PTPRD: variants seen among roughly 807,000 people sequenced by gnomAD.
PTPRD encodes receptor-type tyrosine-protein phosphatase delta.
A neutral mutation model predicts 214.5 loss-of-function variants in PTPRD; 34 were observed. The observed-to-expected ratio is 0.16, with a 90% CI of 0.12 to 0.21. PTPRD has a LOEUF of 0.21. Among genes scored for constraint, PTPRD ranks in the 10% least tolerant of loss-of-function variants. The probability of loss-of-function intolerance (pLI) is 1.00; values close to 1 mark genes in which losing one functional copy is unlikely to be tolerated. For synonymous variants in PTPRD, 1,128 were observed against 845.7 expected, an observed-to-expected ratio of 1.33 and a Z score of -5.79; for missense variants, 2,545 against 2,398.7, an observed-to-expected ratio of 1.06 and a Z score of -1.27.
chr9:9,411,801 C>CA (rs149579810), intron 8 of PTPRD, among the ~76,000 whole-genome samples: 2,806 of 152,186 alleles, frequency 0.018, 79 homozygotes, highest in African/African-American at 0.063. Context: ...TATGCACACA[C>CA]AAAAAAGATC....
chr9:8,728,123 G>A (rs929161571), intron 12 of PTPRD, among the ~76,000 whole-genome samples: 2 of 152,082 alleles, frequency 1.3e-5, no homozygotes, highest in African/African-American at 4.8e-5. Context: ...GGTGGCACAC[G>A]CCTGTAATCC....
intron 11 of PTPRD, among the ~76,000 whole-genome samples, chr9:8,771,819 TAAA>T (rs557495942): frequency 7.0e-6 from 1 of 143,050 alleles, no homozygotes; most frequent in Non-Finnish European, 1.5e-5. Context: ...TGCATGGCTT[TAAA>T]AAAAAAAAAA....
At chr9:10,063,604 G>GA (rs2097820196) in intron 3 of PTPRD, among the ~76,000 whole-genome samples, 1 of 151,912 alleles carries the variant, frequency 6.6e-6, no homozygotes, top group South Asian at 2.1e-4. Context: ...TGTAATAAAA[G>GA]AATCATCAGT....
At chr9:9,475,843 C>T (rs1198482720) in intron 8 of PTPRD, among the ~76,000 whole-genome samples, 1 of 152,174 alleles carries the variant, frequency 6.6e-6, no homozygotes, top group Non-Finnish European at 1.5e-5. Context: ...TCTTCTGATG[C>T]AGATGGACTA....
chr9:10,523,620 T>TAGAGAGAGAGAGAG (rs749067548), intron 2 of PTPRD, among the ~76,000 whole-genome samples: 1 of 128,614 alleles, frequency 7.8e-6, no homozygotes, highest in Non-Finnish European at 1.6e-5. Flanking sequence ...TATATATATA[T>TAGAGAGAGAGAGAG]ATAGACAGAA....
At position 10,274,904 on chromosome 9, in the gene PTPRD, T is replaced by C. The variant is rs374505748; in HGVS notation, c.-545+66059A>G. Reference sequence around the variant, plus strand: ...GGAATAATGACGGTGGAATAGATGGTATGGGTGTATTGTAGTGACTAGGGA... The same window carrying C: ...GGAATAATGACGGTGGAATAGATGGCATGGGTGTATTGTAGTGACTAGGGA... On this transcript the variant is annotated intron_variant, in intron 3 of 45. Transcript: ENST00000381196. 2.6e-5 allele frequency among the ~76,000 whole-genome samples: 4 copies of C among 152,162 alleles called. No individual in the cohort carries two copies. In the South Asian group the frequency reaches 6.2e-4, roughly 24 times the overall value.
intron 8 of PTPRD, among the ~76,000 whole-genome samples, chr9:9,452,983 C>T (rs998483031): frequency 6.7e-6 from 1 of 149,710 alleles, no homozygotes; most frequent in African/African-American, 2.4e-5. Flanking sequence ...TTTCTGTATA[C>T]TTAAATTTTG....
chr9:9,598,567 TA>T (rs2093533660), intron 7 of PTPRD, among the ~76,000 whole-genome samples: 2 of 152,082 alleles, frequency 1.3e-5, no homozygotes, highest in South Asian at 4.1e-4. Flanking sequence ...GCAACTACTA[TA>T]GACCTACTAT....
At chr9:9,170,587 G>A (rs12342064) in intron 10 of PTPRD, among the ~76,000 whole-genome samples, 2,034 of 152,242 alleles carry the variant, frequency 0.013, 51 homozygotes, top group African/African-American at 0.046. Flanking sequence ...GCTGGCCCAG[G>A]CAGTTTGGCT....
chr9:8,348,991 T>C (rs1249206657), intron 39 of PTPRD, among the ~76,000 whole-genome samples: 4 of 152,094 alleles, frequency 2.6e-5, no homozygotes, highest in Non-Finnish European at 5.9e-5. Context: ...TCTCTACTGT[T>C]TGGCAATTTC....
chr9:9,919,031 A>G (rs1324784274), intron 5 of PTPRD, among the ~76,000 whole-genome samples: 3 of 152,186 alleles, frequency 2.0e-5, no homozygotes, highest in Non-Finnish European at 1.5e-5. Flanking sequence ...AGGAGATAGA[A>G]TAACATCTGG....
chr9:9,193,487 C>T (rs1274627403), intron 9 of PTPRD, among the ~76,000 whole-genome samples: 1 of 152,054 alleles, frequency 6.6e-6, no homozygotes. Context: ...GTATGCACAC[C>T]ACAGAGTGTA....
chr9:9,306,196 G>A (rs1469901771), intron 9 of PTPRD, among the ~76,000 whole-genome samples: 1 of 152,056 alleles, frequency 6.6e-6, no homozygotes, highest in South Asian at 2.1e-4. Context: ...CTATCTGGCA[G>A]AAACTCTTGA....
chr9:9,851,566 A>C (rs949709156), intron 5 of PTPRD, among the ~76,000 whole-genome samples: 1 of 152,232 alleles, frequency 6.6e-6, no homozygotes. Context: ...GTGTAAATAT[A>C]AAGTTAGTGC....
rs1039406647 is a variant in PTPRD at position 10,405,089 on chromosome 9, T to C, written c.-599-64072A>G. 2.5e-3 allele frequency among the ~76,000 whole-genome samples: 16 copies of C among 6,476 alleles called. 7 individuals carry two copies. The highest frequency in any genetic ancestry group is 0.01 in the Non-Finnish European group (15 of 1,456). 4.2% of individuals were successfully genotyped at this position (6,476 alleles called of 152,430 possible). A position where few individuals can be genotyped will look rare whatever the true frequency, so the allele number is the denominator to read the frequency against. Reference sequence around the variant, plus strand: ...GAGCAATCTCATCACATGCTTGGATTAACCAACAATTAACTGGCTATCGGC... The same window carrying C: ...GAGCAATCTCATCACATGCTTGGATCAACCAACAATTAACTGGCTATCGGC... On this transcript the variant is annotated intron_variant, in intron 2 of 45. Coordinates refer to ENST00000381196, the MANE Select transcript of PTPRD (RefSeq NM_002839.4).
intron 12 of PTPRD, among the ~76,000 whole-genome samples, chr9:8,654,687 G>C (rs2096875974): frequency 6.6e-6 from 1 of 151,998 alleles, no homozygotes; most frequent in South Asian, 2.1e-4. Context: ...TAAGCATTAA[G>C]GGTTATAATA....
chr9:9,085,953 C>G (rs2099766472), intron 10 of PTPRD, among the ~76,000 whole-genome samples: 1 of 152,110 alleles, frequency 6.6e-6, no homozygotes, highest in Non-Finnish European at 1.5e-5. Flanking sequence ...TGTGGTTTTG[C>G]TTTCTCCACC....
intron 11 of PTPRD, among the ~76,000 whole-genome samples, chr9:8,810,073 A>G (rs1455239564): frequency 6.6e-6 from 1 of 152,198 alleles, no homozygotes; most frequent in Non-Finnish European, 1.5e-5. Flanking sequence ...CATATGCCCC[A>G]CTGCCACACA....
At chr9:9,798,232 G>T (rs979478392) in intron 5 of PTPRD, among the ~76,000 whole-genome samples, 1 of 151,988 alleles carries the variant, frequency 6.6e-6, no homozygotes, top group African/African-American at 2.4e-5. Flanking sequence ...TAGATTTATG[G>T]CTGAGACATA....
Sources: allele counts gnomAD v4.1 joint callset (sites outside exome capture counted in the v4.1 genomes callset), GRCh38; gene constraint gnomAD v4.1.1; transcripts MANE v1.5; gene names NCBI Gene and HGNC (gene_info 2026-07-23, HGNC 2026-07-21).